LOXL2: variants seen among roughly 807,000 people sequenced by gnomAD.
LOXL2 encodes lysyl oxidase like 2, also known as lysyl oxidase homolog 2.
LOXL2 carries 70 observed loss-of-function variants against 93.0 expected under a neutral mutation model. The ratio of observed to expected loss-of-function variants is 0.75; its 90% confidence interval spans 0.62 to 0.92. The LOEUF is 0.92. LOXL2 is among the 40% of genes least tolerant of loss of function. The pLI is 0.00. For synonymous variants in LOXL2, 438 were observed against 413.2 expected (o/e 1.06, Z -0.73); for missense variants, 973 against 1,054.9 (o/e 0.92, Z 1.08).
intron 1 of LOXL2, among the ~76,000 whole-genome samples, chr8:23,371,809 G>GGCA (rs1214248110): frequency 6.1e-5 from 9 of 148,308 alleles, no homozygotes; most frequent in African/African-American, 2.3e-4. Flanking sequence ...CAGCACGAAA[G>GGCA]GCAGGAAGGC....
intron 1 of LOXL2, among the ~76,000 whole-genome samples, chr8:23,393,496 C>T (rs1442755792): frequency 1.3e-5 from 2 of 152,198 alleles, no homozygotes; most frequent in African/African-American, 4.8e-5. Flanking sequence ...TGAATAGCCA[C>T]ATGCAAAAGA....
At chr8:23,328,245 G>A in intron 6 of LOXL2, 137 bp downstream of exon 6, 1 of 851,080 alleles carries the variant, frequency 1.2e-6, no homozygotes, top group Non-Finnish European at 1.9e-6. Context: ...GAGAGGCCTG[G>A]GATTCTCTCC....
chr8:23,345,029 A>C (rs981966658), intron 3 of LOXL2, among the ~76,000 whole-genome samples: 3 of 152,206 alleles, frequency 2.0e-5, no homozygotes, highest in Non-Finnish European at 2.9e-5. Context: ...ATCAAACACC[A>C]ATTAATTGCA....
chr8:23,347,038 G>C (rs1006069918), intron 3 of LOXL2, among the ~76,000 whole-genome samples: 5 of 152,130 alleles, frequency 3.3e-5, no homozygotes, highest in African/African-American at 1.2e-4. Flanking sequence ...ACAAAACAGG[G>C]CAGGGCATGG....
chr8:23,395,460 C>T (rs1298221705), intron 1 of LOXL2, among the ~76,000 whole-genome samples: 1 of 152,102 alleles, frequency 6.6e-6, no homozygotes, highest in Admixed American at 6.5e-5. Flanking sequence ...ATGGACTTCT[C>T]TTTGTGTTGA....
chr8:23,403,708 C>T (rs962961380), intron 1 of LOXL2, among the ~76,000 whole-genome samples: 2 of 152,046 alleles, frequency 1.3e-5, no homozygotes, highest in Admixed American at 6.5e-5. Context: ...CCTCGCTCCC[C>T]GGGCGCGCCA....
chr8:23,317,178 A>G (rs1803416817), intron 8 of LOXL2, 64 bp from the exon 9 acceptor site: 1 of 1,527,272 alleles, frequency 6.5e-7, no homozygotes, highest in South Asian at 1.1e-5. Flanking sequence ...CTCATATCCT[A>G]TCAACTTGCA....
intron 3 of LOXL2, among the ~76,000 whole-genome samples, chr8:23,348,028 AAAAG>A (rs1378460875): frequency 1.3e-5 from 2 of 152,210 alleles, no homozygotes; most frequent in South Asian, 2.1e-4. Flanking sequence ...ATAATTAAAA[AAAAG>A]AAAGAAAAGG....
chr8:23,347,396 G>A (rs1201844738), intron 3 of LOXL2, among the ~76,000 whole-genome samples: 1 of 151,946 alleles, frequency 6.6e-6, no homozygotes, highest in Non-Finnish European at 1.5e-5. Context: ...GGTGGCTCAT[G>A]CCTGTGAACC....
chr8:23,319,801 A>C, intron 8 of LOXL2, 84 bp downstream of exon 8: 1 of 1,412,670 alleles, frequency 7.1e-7, no homozygotes, highest in Non-Finnish European at 9.8e-7. Context: ...TAGGGAGGGT[A>C]CGTGGGAGAG....
chr8:23,352,545 C>G (rs777652205), intron 3 of LOXL2, among the ~76,000 whole-genome samples: 1 of 152,158 alleles, frequency 6.6e-6, no homozygotes, highest in Non-Finnish European at 1.5e-5. Flanking sequence ...GGCTGAAGCC[C>G]TCCACCCTCT....
At chr8:23,352,543 C>A (rs1292111312) in intron 3 of LOXL2, among the ~76,000 whole-genome samples, 1 of 152,132 alleles carries the variant, frequency 6.6e-6, no homozygotes, top group African/African-American at 2.4e-5. Context: ...TAGGCTGAAG[C>A]CCTCCACCCT....
At chr8:23,309,285 G>T (rs1803283846) in intron 10 of LOXL2, among the ~76,000 whole-genome samples, 3 of 152,156 alleles carry the variant, frequency 2.0e-5, no homozygotes, top group African/African-American at 4.8e-5. Flanking sequence ...GCCAGGCTGG[G>T]AATATTTCTA....
rs575331922 is a variant in LOXL2, at chr8:23,296,975, G to C, written c.*1068C>G. Among the ~76,000 whole-genome samples the C allele has an allele frequency of 1.1e-3, 169 of 152,254 alleles. 1 individual carries two copies. The highest frequency in any genetic ancestry group is 3.9e-3 in the African/African-American group (163 of 41,536). On this transcript the variant is annotated 3_prime_UTR_variant, in exon 14 of 14. Coordinates refer to ENST00000389131, the MANE Select transcript of LOXL2 (RefSeq NM_002318.3). ...TTACTTTTTGTGATCTCCTTAGATT[G>C]CTTCTCCCAGATGGTAGGAGCTGCC...
rs1272484642 is a variant in LOXL2 at position 23,298,022 on chromosome 8, G to A, written c.*21C>T. The A allele has an allele frequency of 1.2e-6, 2 of 1,605,226 alleles. No homozygotes were observed. Among genetic ancestry groups the A allele is most frequent in the Admixed American group, 1.7e-5 (1 of 59,806 alleles). On this transcript the variant is annotated 3_prime_UTR_variant, in exon 14 of 14. Transcript: ENST00000389131. ...AAGATGTGGTGTGGCCTGAAGACAG[G>A]AGTTGACCACGCAGGCTTCTTTACT...
At chr8:23,302,238 G>A (rs1472164877) in intron 11 of LOXL2, 75 bp from the exon 12 acceptor site, 1 of 1,579,456 alleles carries the variant, frequency 6.3e-7, no homozygotes, top group Non-Finnish European at 8.7e-7. Context: ...CTGCTTCCAA[G>A]GCCCCTACCG....
chr8:23,355,057 C>A (rs1012302366), intron 3 of LOXL2, among the ~76,000 whole-genome samples: 1 of 147,130 alleles, frequency 6.8e-6, no homozygotes, highest in Non-Finnish European at 1.5e-5. Context: ...CTCCCGGGTT[C>A]AACCTCAACC....
chr8:23,350,102 G>A (rs2117193180), intron 3 of LOXL2, among the ~76,000 whole-genome samples: 1 of 152,070 alleles, frequency 6.6e-6, no homozygotes, highest in Non-Finnish European at 1.5e-5. Flanking sequence ...TTTCCCTTGA[G>A]ATCTGACACC....
rs73547699 is a variant in LOXL2 at position 23,353,815 on chromosome 8, C to T, written c.531+6275G>A. ...CACTATGTCATTCTGATGAAGAAACCATTGCCACTGAACTACAGGCCGTCA... is the reference window on the plus strand; with the variant it reads ...CACTATGTCATTCTGATGAAGAAACTATTGCCACTGAACTACAGGCCGTCA... On this transcript the variant is annotated intron_variant, in intron 3 of 13. Coordinates refer to ENST00000389131, the MANE Select transcript of LOXL2 (RefSeq NM_002318.3). Among the ~76,000 whole-genome samples the T allele has an allele frequency of 8.0e-3, 1,211 of 152,244 alleles. 20 individuals are homozygous for T. The highest frequency in any genetic ancestry group is 0.028 in the African/African-American group (1,148 of 41,542).
Sources: gnomAD v4.1 joint callset for allele counts (sites outside exome capture counted in the v4.1 genomes callset) on GRCh38, gnomAD v4.1.1 for gene constraint, MANE v1.5 for transcripts, NCBI Gene and HGNC (gene_info 2026-07-23, HGNC 2026-07-21) for gene names.